PRKN: variants seen among roughly 807,000 people sequenced by gnomAD.
The protein encoded by PRKN is parkin RBR E3 ubiquitin protein ligase.
In PRKN, 56 loss-of-function variants were observed where a neutral mutation model predicts 59.5. That is an observed-to-expected ratio of 0.94 (90% CI 0.76 to 1.18). The LOEUF (loss-of-function observed/expected upper bound fraction) is 1.18. Ranked by LOEUF, PRKN falls within the 50% of genes most tolerant of loss-of-function variation. PRKN has a pLI of 0.00. For missense variants in PRKN, 657 were observed against 596.4 expected (o/e 1.10, Z -1.06); for synonymous variants, 250 against 222.1 (o/e 1.13, Z -1.12).
chr6:162,448,157 G>T (rs73028172), intron 1 of PRKN, among the ~76,000 whole-genome samples: 30 of 152,240 alleles, frequency 2.0e-4, no homozygotes, highest in Non-Finnish European at 3.1e-4. Flanking sequence ...GGCTCCACCT[G>T]CAGCCCAGTA....
chr6:161,821,514 C>A (rs962287435), intron 6 of PRKN, among the ~76,000 whole-genome samples: 2 of 151,908 alleles, frequency 1.3e-5, no homozygotes, highest in Non-Finnish European at 2.9e-5. Context: ...TTCTTTCTAT[C>A]CTCTTTAAGA....
intron 4 of PRKN, among the ~76,000 whole-genome samples, chr6:162,189,482 A>G (rs966545224): frequency 2.0e-5 from 3 of 150,198 alleles, no homozygotes; most frequent in African/African-American, 7.3e-5. Context: ...GTCATTGTAT[A>G]CCTTGGCCTA....
chr6:162,326,063 T>G (rs1181142525), intron 2 of PRKN, among the ~76,000 whole-genome samples: 1 of 152,114 alleles, frequency 6.6e-6, no homozygotes. Flanking sequence ...ATGAATAACT[T>G]GTAAAATCCT....
chr6:162,500,437 G>A (rs561941098), intron 1 of PRKN, among the ~76,000 whole-genome samples: 1 of 152,096 alleles, frequency 6.6e-6, no homozygotes, highest in Admixed American at 6.6e-5. Context: ...CTCCTAAAGT[G>A]CTGGGATTAC....
At chr6:162,130,872 T>C (rs1419831435) in intron 4 of PRKN, among the ~76,000 whole-genome samples, 1 of 152,156 alleles carries the variant, frequency 6.6e-6, no homozygotes, top group Non-Finnish European at 1.5e-5. Context: ...ATATGAAAAG[T>C]ATCTAGTGTC....
chr6:162,231,828 A>G (rs1778432663), intron 3 of PRKN, among the ~76,000 whole-genome samples: 2 of 152,168 alleles, frequency 1.3e-5, no homozygotes, highest in South Asian at 4.1e-4. Context: ...AGAAAAATAT[A>G]TATGAATTAA....
At chr6:162,535,109 G>T (rs1383528815) in intron 1 of PRKN, among the ~76,000 whole-genome samples, 7 of 152,056 alleles carry the variant, frequency 4.6e-5, no homozygotes, top group Admixed American at 4.6e-4. Flanking sequence ...GAAGCCCAGG[G>T]TCTCCAAGAT....
chr6:161,559,282 C>T (rs1463923372), intron 8 of PRKN, among the ~76,000 whole-genome samples: 1 of 152,156 alleles, frequency 6.6e-6, no homozygotes, highest in Non-Finnish European at 1.5e-5. Flanking sequence ...TCCAGTGTAG[C>T]TCCCCTTTCA....
chr6:161,909,615 G>A (rs1032261158), intron 6 of PRKN, among the ~76,000 whole-genome samples: 11 of 152,232 alleles, frequency 7.2e-5, no homozygotes, highest in South Asian at 6.2e-4. Context: ...TGGCACTGAC[G>A]CAGCCTCCAG....
chr6:161,585,833 C>T (rs1323096224), intron 7 of PRKN, among the ~76,000 whole-genome samples: 2 of 152,110 alleles, frequency 1.3e-5, no homozygotes, highest in African/African-American at 2.4e-5. Flanking sequence ...AGAAGACAAC[C>T]CAGCCAGGCA....
intron 4 of PRKN, among the ~76,000 whole-genome samples, chr6:162,124,836 G>A (rs1781057552): frequency 1.3e-5 from 2 of 152,188 alleles, no homozygotes; most frequent in South Asian, 4.1e-4. Context: ...GACCATCCAT[G>A]TTTCGGGTGC....
rs370889118 is a variant in PRKN, at chr6:162,262,911, G to A, written c.172-146C>T. On this transcript the variant is annotated intron_variant, in intron 2 of 11. Transcript: ENST00000366898. ...CAACTTAGGTGCTCCTTTGCCCACA[G>A]CAGTTACACACTACACACGGTAGAC... 2.1e-5 allele frequency: 21 copies of A among 984,102 alleles called. 1 individual carries two copies. Among genetic ancestry groups the A allele is most frequent in the East Asian group, 1.0e-4 (4 of 38,506 alleles). 61.0% of individuals were successfully genotyped at this position (984,102 alleles called of 1,614,324 possible). A position where few individuals can be genotyped will look rare whatever the true frequency, so the allele number is the denominator to read the frequency against.
At chr6:162,586,243 C>T (rs542396115) in intron 1 of PRKN, among the ~76,000 whole-genome samples, 40 of 152,246 alleles carry the variant, frequency 2.6e-4, no homozygotes, top group African/African-American at 8.9e-4. Context: ...AATAATGCAA[C>T]GTACCTCCTT....
At chr6:162,319,510 T>G (rs1782896665) in intron 2 of PRKN, among the ~76,000 whole-genome samples, 1 of 152,174 alleles carries the variant, frequency 6.6e-6, no homozygotes, top group Non-Finnish European at 1.5e-5. Flanking sequence ...ATGTGGTTAC[T>G]TACACAACAA....
chr6:162,269,710 T>C (rs1379142462), intron 2 of PRKN: 1 of 152,236 alleles, frequency 6.6e-6, no homozygotes, highest in Non-Finnish European at 1.5e-5. Context: ...TTAAACTCTA[T>C]TTCCTCATAC....
At chr6:161,820,688 GTA>G (rs1267767372) in intron 6 of PRKN, among the ~76,000 whole-genome samples, 2 of 147,476 alleles carry the variant, frequency 1.4e-5, no homozygotes, top group Non-Finnish European at 3.0e-5. Flanking sequence ...ATTTTTATAA[GTA>G]TAAAATTTTA....
intron 5 of PRKN, among the ~76,000 whole-genome samples, chr6:162,048,995 A>G (rs1777506869): frequency 6.6e-6 from 1 of 152,250 alleles, no homozygotes; most frequent in Admixed American, 6.5e-5. Flanking sequence ...TTCTTTTTAT[A>G]AAAAGGTAAG....
At chr6:162,227,858 T>C (rs899764742) in intron 3 of PRKN, among the ~76,000 whole-genome samples, 15 of 152,106 alleles carry the variant, frequency 9.9e-5, no homozygotes, top group African/African-American at 3.4e-4. Context: ...TAAGGTTGTG[T>C]TCCTCTATTG....
chr6:161,700,124 ATCTTTTCCATCT>A (rs1386436855), intron 7 of PRKN, among the ~76,000 whole-genome samples: 1 of 151,690 alleles, frequency 6.6e-6, no homozygotes, highest in African/African-American at 2.4e-5. Context: ...ATCTTTGAAC[ATCTTTTCCATCT>A]TCTTTTCCAA....
Sources: gnomAD v4.1 joint callset for allele counts (sites outside exome capture counted in the v4.1 genomes callset) on GRCh38, gnomAD v4.1.1 for gene constraint, MANE v1.5 for transcripts, NCBI Gene and HGNC (gene_info 2026-07-23, HGNC 2026-07-21) for gene names.